The following MIGA1 variants were observed in gnomAD, a reference collection of about 807,000 sequenced individuals.
MIGA1 encodes mitoguardin 1.
A neutral mutation model predicts 82.0 loss-of-function variants in MIGA1; 58 were observed. The observed-to-expected ratio is 0.71, with a 90% CI of 0.57 to 0.88. The LOEUF is 0.88. MIGA1 is among the 40% of genes least tolerant of loss of function. The pLI, the probability that MIGA1 is intolerant of heterozygous loss-of-function variation, is 0.00. For synonymous variants in MIGA1, 249 were observed against 253.6 expected, an observed-to-expected ratio of 0.98 and a Z score of 0.17; for missense variants, 751 against 749.1, an observed-to-expected ratio of 1.00 and a Z score of -0.03.
chr1:77,794,208 A>G (rs1344940580), intron 2 of MIGA1, among the ~76,000 whole-genome samples: 1 of 152,216 alleles, frequency 6.6e-6, no homozygotes, highest in Non-Finnish European at 1.5e-5. Flanking sequence ...CTCTAATACA[A>G]CTATCAAAAC....
At chr1:77,859,858 G>T in intron 10 of MIGA1, 182 bp from the exon 11 acceptor site, 1 of 493,298 alleles carries the variant, frequency 2.0e-6, no homozygotes, top group Non-Finnish European at 3.5e-6. Flanking sequence ...ATCTTTTTTT[G>T]ACTATAGGTT....
At chr1:77,860,369 A>C in intron 11 of MIGA1, 2 of 430,840 alleles carry the variant, frequency 4.6e-6, no homozygotes, top group Non-Finnish European at 8.2e-6. Context: ...AATTATCATT[A>C]GATCTGCTGC....
intron 7 of MIGA1, among the ~76,000 whole-genome samples, chr1:77,834,729 A>C (rs1184020160): frequency 2.6e-5 from 4 of 152,254 alleles, no homozygotes; most frequent in African/African-American, 9.6e-5. Context: ...AACAAAGAGC[A>C]GCAGTGGTTT....
intron 7 of MIGA1, among the ~76,000 whole-genome samples, chr1:77,820,685 T>G (rs1356764161): frequency 1.3e-5 from 2 of 152,198 alleles, no homozygotes; most frequent in Admixed American, 1.3e-4. Flanking sequence ...CTTTAAAATT[T>G]CTGGTCCACT....
chr1:77,861,235 G>A lies in MIGA1; in HGVS notation c.1287G>A (p.Lys429=), dbSNP rs750552458. The stretch of plus-strand genomic sequence containing the variant: ...GTTTTCTTCTTCAGAATCCAAAGAA[G>A]TTTGAAGATGTTTTTGATGAAATGA... The change falls in exon 12 of 16, where the codon AAG becomes AAA. Residue 429 remains lysine, a synonymous_variant. Coordinates refer to ENST00000370791, the MANE Select transcript of MIGA1 (RefSeq NM_198549.4). The A allele has an allele frequency of 2.9e-5, 47 of 1,608,470 alleles. No homozygotes were observed. The highest frequency in any genetic ancestry group is 3.7e-5 in the Non-Finnish European group (44 of 1,175,512).
intron 2 of MIGA1, among the ~76,000 whole-genome samples, chr1:77,786,131 G>T (rs1206710347): frequency 6.6e-6 from 1 of 152,240 alleles, no homozygotes; most frequent in Non-Finnish European, 1.5e-5. Flanking sequence ...GCTAAGGCTT[G>T]TGGCTTGCAC....
At chr1:77,791,243 T>TAA (rs757682711) in intron 2 of MIGA1, among the ~76,000 whole-genome samples, 165 of 116,874 alleles carry the variant, frequency 1.4e-3, no homozygotes, top group East Asian at 2.8e-3. Context: ...CCCTGTCTCT[T>TAA]AAAAAAAAAA....
chr1:77,779,774 C>T, intron 1 of MIGA1, 38 bp downstream of exon 1: 1 of 1,308,522 alleles, frequency 7.6e-7, no homozygotes, highest in Non-Finnish European at 1.0e-6. Flanking sequence ...GAGAGGCGGG[C>T]GGGAGGAAGC....
chr1:77,821,429 T>C (rs1249404013), intron 7 of MIGA1, among the ~76,000 whole-genome samples: 2 of 151,868 alleles, frequency 1.3e-5, no homozygotes, highest in East Asian at 3.9e-4. Flanking sequence ...TCGCTCTTGT[T>C]GCGCAGGCTG....
intron 7 of MIGA1, 42 bp from the exon 8 acceptor site, chr1:77,843,265 G>A: frequency 7.3e-7 from 1 of 1,371,548 alleles, no homozygotes; most frequent in Non-Finnish European, 1.0e-6. Context: ...CCACAATGAT[G>A]TGGAATATCA....
Position 77,801,397 on chromosome 1 carries a change from T to A in MIGA1, c.262T>A (p.Phe88Ile). 2 of 1,607,496 alleles carry A rather than the reference T, an allele frequency of 1.2e-6. No individual in the cohort carries two copies. Among genetic ancestry groups the A allele is most frequent in the Non-Finnish European group, 1.7e-6 (2 of 1,178,858 alleles). ...TGCAGTGAGTGCTATATCTGTAATT[T>A]TTCTGGCTCATCACTTTAAAAGAAA... Residue 88 changes from phenylalanine (F) to isoleucine (I), a missense_variant, in exon 3 of 16, where the codon TTT (phenylalanine) becomes ATT (isoleucine). Around this residue, in one of 3 missense-constraint regions of MIGA1, gnomAD observed 482 missense variants for 439.4 expected, o/e 1.10. Transcript: ENST00000370791.
At chr1:77,859,440 C>A in intron 10 of MIGA1, 54 bp downstream of exon 10, 2 of 1,186,780 alleles carry the variant, frequency 1.7e-6, no homozygotes, top group Non-Finnish European at 2.5e-6. Context: ...CACCCTCATG[C>A]TGTAGAGTCC....
Position 77,803,302 on chromosome 1 carries a change from A to G in MIGA1, c.406A>G (p.Thr136Ala). ...TTGTTCCAGTAGCAGACAGAATTTG[A>G]CATTATCTTTAAGTTCTACCAAAGA... The change falls in exon 4 of 16, where the codon ACA becomes GCA. Residue 136 changes from threonine (T) to alanine (A), a missense_variant. Thr to Ala is a moderately conservative substitution (Grantham distance 58). Coordinates refer to ENST00000370791, the MANE Select transcript of MIGA1 (RefSeq NM_198549.4). The G allele has an allele frequency of 6.5e-7, 1 of 1,544,416 alleles. No individual in the cohort carries two copies. The highest frequency in any genetic ancestry group is 8.7e-7 in the Non-Finnish European group (1 of 1,145,288).
chr1:77,843,080 A>C (rs543728898), intron 7 of MIGA1, among the ~76,000 whole-genome samples: 6 of 152,278 alleles, frequency 3.9e-5, no homozygotes, highest in African/African-American at 1.4e-4. Context: ...ATAAAAAATT[A>C]AGCTTAATTC....
chr1:77,808,846 A>G (rs1443554283), intron 5 of MIGA1, among the ~76,000 whole-genome samples: 2 of 152,228 alleles, frequency 1.3e-5, no homozygotes, highest in Non-Finnish European at 2.9e-5. Flanking sequence ...CAGTGCCATC[A>G]CAGTGGGTAT....
At chr1:77,846,560 C>A (rs1293051259) in intron 8 of MIGA1, among the ~76,000 whole-genome samples, 1 of 151,970 alleles carries the variant, frequency 6.6e-6, no homozygotes, top group Non-Finnish European at 1.5e-5. Flanking sequence ...TCTCAAACTC[C>A]TGAGCTCAAG....
At chr1:77,857,036 C>T (rs1204047382) in intron 8 of MIGA1, among the ~76,000 whole-genome samples, 1 of 152,110 alleles carries the variant, frequency 6.6e-6, no homozygotes, top group Admixed American at 6.5e-5. Context: ...CCTCTTAGTA[C>T]CACCTTAGCT....
rs1291514906 is a variant in MIGA1 at position 77,879,335 on chromosome 1, TGTTTA to T, written c.*4276_*4280del. On this transcript the variant is annotated 3_prime_UTR_variant, in exon 16 of 16. Coordinates refer to ENST00000370791, the MANE Select transcript of MIGA1 (RefSeq NM_198549.4). ...TAATGAGTATATTATGTTATTGTTT[TGTTTA>T]GTTTGTGAACAACCATGTATTAGCT... is the stretch of plus-strand genomic sequence containing the variant. 2.6e-5 allele frequency: 4 copies of T among 152,184 alleles called. No individual in the cohort carries two copies. Among genetic ancestry groups the T allele is most frequent in the Non-Finnish European group, 4.4e-5 (3 of 68,012 alleles). 9.4% of individuals were successfully genotyped at this position (152,184 alleles called of 1,614,324 possible). A position where few individuals can be genotyped will look rare whatever the true frequency, so the allele number is the denominator to read the frequency against.
At position 77,792,104 on chromosome 1, in the gene MIGA1, C is replaced by G. The variant is rs11806097; in HGVS notation, c.195+8753C>G. Among the ~76,000 whole-genome samples, 739 of 152,220 alleles carry G rather than the reference C, an allele frequency of 4.9e-3. 8 individuals carry two copies. Among genetic ancestry groups the G allele is most frequent in the African/African-American group, 0.017 (709 of 41,526 alleles). ...AAAGGAAAGCAACTTTATTGAAATG[C>G]TAGCAGTTGGGATAGGCTAGGCTTA... On this transcript the variant is annotated intron_variant, in intron 2 of 15. Transcript: ENST00000370791.
Sources: gnomAD v4.1 joint callset for allele counts (sites outside exome capture counted in the v4.1 genomes callset) on GRCh38, gnomAD v4.1.1 for gene constraint, gnomAD v4.1.1 regional missense constraint, MANE v1.5 for transcripts, NCBI Gene and HGNC (gene_info 2026-07-23, HGNC 2026-07-21) for gene names.